The following TAB1 variants were observed in gnomAD, a reference collection of about 807,000 sequenced individuals.
TAB1 encodes the protein TGF-beta activated kinase 1 (MAP3K7) binding protein 1, also known as TGF-beta-activated kinase 1 and MAP3K7-binding protein 1.
TAB1 carries 30 observed loss-of-function variants against 54.5 expected under a neutral mutation model. The observed-to-expected ratio is 0.55, with a 90% CI of 0.41 to 0.75. TAB1 has a LOEUF of 0.75. Among genes scored for constraint, TAB1 ranks in the 30% least tolerant of loss-of-function variants. TAB1 has a pLI of 0.00. For synonymous variants in TAB1, 289 were observed against 286.9 expected, an observed-to-expected ratio of 1.01 and a Z score of -0.07; for missense variants, 609 against 683.2, an observed-to-expected ratio of 0.89 and a Z score of 1.21.
chr22:39,434,436 G>A (rs1017275539), downstream of TAB1, among the ~76,000 whole-genome samples: 1 of 152,218 alleles, frequency 6.6e-6, no homozygotes. Flanking sequence ...TGAAATTTCC[G>A]CCGACAAGGG....
In TAB1 at chr22:39,415,170, G is replaced by T; in HGVS notation, c.170+28G>T. ...GTGTGTGCCAGCATTTCTGTGTTGG[G>T]CCCGGGGAGTTGGTTGGTTTGCAAG... On this transcript the variant is annotated intron_variant, in intron 2 of 10. Coordinates refer to ENST00000216160, the MANE Select transcript of TAB1 (RefSeq NM_006116.3). This position sits in a 1 kb window ranked among gnomAD's most constrained non-coding sequence, Gnocchi z 4.9. 1 of 1,546,316 alleles carries T rather than the reference G, an allele frequency of 6.5e-7. No homozygotes were observed. Among genetic ancestry groups the T allele is most frequent in the Non-Finnish European group, 8.7e-7 (1 of 1,143,492 alleles).
intron 9 of TAB1, 67 bp downstream of exon 9, chr22:39,426,992 C>T (rs1927377947): frequency 2.7e-6 from 4 of 1,502,126 alleles, no homozygotes; most frequent in Non-Finnish European, 2.7e-6. Context: ...GGGTGCAGAG[C>T]CCCCGAGGCT....
rs760365693 is a variant in TAB1, at chr22:39,426,779, G to A, written c.998G>A (p.Arg333Gln). The part of the protein sequence containing the change: ...LDAVAQAVVD[R>Q]VKRIHSDTFA... ...GCAGTGGCCCAGGCCGTCGTGGACC[G>A]GGTGAAGCGCATCCACAGCGACACC... is the stretch of plus-strand genomic sequence containing the variant. The change falls in exon 9 of 11, where the codon CGG becomes CAG. Residue 333 changes from arginine to glutamine, a missense_variant. Arg to Gln is a conservative substitution (Grantham distance 43). Coordinates refer to ENST00000216160, the MANE Select transcript of TAB1 (RefSeq NM_006116.3). 1.9e-5 allele frequency: 31 copies of A among 1,614,084 alleles called. No individual in the cohort carries two copies. In the East Asian group the frequency reaches 5.1e-4, roughly 27 times the overall value.
intron 1 of TAB1, chr22:39,414,786 C>G: frequency 1.9e-6 from 1 of 534,876 alleles, no homozygotes; most frequent in Non-Finnish European, 3.3e-6. Flanking sequence ...ATGGTGGAGT[C>G]TCAGTTTTCC....
rs147545486 is a variant in TAB1 at position 39,399,819 on chromosome 22, G to A, written c.17G>A (p.Arg6Lys). 89 of 1,597,606 alleles carry A rather than the reference G, an allele frequency of 5.6e-5. No individual in the cohort carries two copies. The African/African-American group carries it at 9.3e-4, about 17-fold the overall frequency. The change falls in exon 1 of 11, where the codon AGG (arginine) becomes AAG (lysine). Residue 6 changes from arginine (R) to lysine (K), a missense_variant. Physicochemically the swap from Arg to Lys is conservative, Grantham distance 26. Transcript: ENST00000216160. MAAQR[R>K]SLLQSEQQPS... ...TCCTCCAAGATGGCGGCGCAGAGGA[G>A]GAGCTTGCTGCAGAGTGTGAGGAAC...
rs1310221066 is a variant in TAB1, at chr22:39,431,436, C to T, written c.*1214C>T. On this transcript the variant is annotated 3_prime_UTR_variant, in exon 11 of 11. Coordinates refer to ENST00000216160, the MANE Select transcript of TAB1 (RefSeq NM_006116.3). ...GCCATTTTGTCAGTATCCAGGACCC[C>T]CCGGATTCTCCACGCCCTCCCCATC... 2 of 985,648 alleles carry T rather than the reference C, an allele frequency of 2.0e-6. No individual in the cohort carries two copies. The highest frequency in any genetic ancestry group is 4.7e-5 in the South Asian group (1 of 21,296). The allele number at this position is 985,648 out of a possible 1,614,324, so 61.1% of individuals were successfully genotyped here.
Position 39,430,545 on chromosome 22 carries a change from C to A in TAB1, c.*323C>A. 1 of 1,239,468 alleles carries A rather than the reference C, an allele frequency of 8.1e-7. No homozygotes were observed. Among genetic ancestry groups the A allele is most frequent in the Non-Finnish European group, 1.0e-6 (1 of 976,670 alleles). 76.8% of individuals were successfully genotyped at this position (1,239,468 alleles called of 1,614,324 possible). On this transcript the variant is annotated 3_prime_UTR_variant, in exon 11 of 11. Coordinates refer to ENST00000216160, the MANE Select transcript of TAB1 (RefSeq NM_006116.3). Reference sequence around the variant, plus strand: ...CCGCCCGAGCCTCCCCAGCAGCCTCCTACAGAGCAGGAAGAGGCGCCCTGT... The same window carrying A: ...CCGCCCGAGCCTCCCCAGCAGCCTCATACAGAGCAGGAAGAGGCGCCCTGT...
At position 39,421,851 on chromosome 22, in the gene TAB1, C is replaced by T. The variant is rs145765457; in HGVS notation, c.801C>T (p.Ile267=). Residue 267 remains isoleucine, a synonymous_variant, in exon 8 of 11, where the codon ATC becomes ATT. Coordinates refer to ENST00000216160, the MANE Select transcript of TAB1 (RefSeq NM_006116.3). ...LLSAAKSKPI[I]AEPEIHGAQP... is the part of the protein sequence containing the mutation. ...GCGCTGCCAAGTCCAAACCAATCAT[C>T]GCAGAGCCAGAAATCCATGGGGCAC... 41 of 1,614,012 alleles carry T rather than the reference C, an allele frequency of 2.5e-5. No homozygotes were observed. In the African/African-American group the frequency reaches 2.8e-4, roughly 11 times the overall value.
At chr22:39,401,360 C>T (rs1453107535) in intron 1 of TAB1, among the ~76,000 whole-genome samples, 1 of 152,322 alleles carries the variant, frequency 6.6e-6, no homozygotes, top group African/African-American at 2.4e-5. Flanking sequence ...CTGCTGGGCA[C>T]GTCTGTCTTG....
downstream of TAB1, chr22:39,437,077 GA>G (rs1170519963): frequency 6.5e-6 from 1 of 153,024 alleles, no homozygotes; most frequent in Non-Finnish European, 1.5e-5. Flanking sequence ...TATACTTTAT[GA>G]CTATTGGTAG....
intron 8 of TAB1, among the ~76,000 whole-genome samples, chr22:39,422,363 C>T (rs1927128409): frequency 6.6e-6 from 1 of 151,712 alleles, no homozygotes; most frequent in East Asian, 1.9e-4. Flanking sequence ...TACTGCCCTC[C>T]CTGAGTGGCA....
chr22:39,400,294 T>C (rs2047158266), intron 1 of TAB1, among the ~76,000 whole-genome samples: 1 of 152,220 alleles, frequency 6.6e-6, no homozygotes, highest in African/African-American at 2.4e-5. Flanking sequence ...CTGTTATTCC[T>C]ATTTGACAGA....
At chr22:39,412,212 G>A (rs1926637029) in intron 1 of TAB1, among the ~76,000 whole-genome samples, 1 of 152,086 alleles carries the variant, frequency 6.6e-6, no homozygotes. Context: ...GCTGATTTTT[G>A]TATTTTCAGT....
At position 39,425,551 on chromosome 22, in the gene TAB1, T is replaced by C. The variant is rs958185967; in HGVS notation, c.922-1152T>C. Among the ~76,000 whole-genome samples, 19 of 152,118 alleles carry C rather than the reference T, an allele frequency of 1.2e-4. No homozygotes were observed. In the East Asian group the frequency reaches 3.5e-3, roughly 28 times the overall value. On this transcript the variant is annotated intron_variant, in intron 8 of 10. Transcript: ENST00000216160. ...AGTAGATTAGGTGCATTAAATGCTT[T>C]TTCTTTTCTTTTTTTTTTTTTGAGA...
intron 1 of TAB1, among the ~76,000 whole-genome samples, chr22:39,400,323 C>T (rs1926080568): frequency 6.6e-6 from 1 of 152,172 alleles, no homozygotes; most frequent in African/African-American, 2.4e-5. Context: ...CTGAGGTGGT[C>T]GTTTGCCTAA....
rs760326813 is a variant in TAB1 at position 39,426,700 on chromosome 22, C to T, written c.922-3C>T. 2 of 1,595,640 alleles carry T rather than the reference C, an allele frequency of 1.3e-6. No individual in the cohort carries two copies. The highest frequency in any genetic ancestry group is 2.3e-5 in the East Asian group (1 of 44,406). On this transcript the variant is annotated splice_region_variant and splice_polypyrimidine_tract_variant and intron_variant, in intron 8 of 10. Transcript: ENST00000216160. ...ACCAGGTTCTTCCTACCCCCTCCCC[C>T]AGGAGATTGCTGCGATGATTGACAC...
At chr22:39,409,869 CCT>C (rs1230100114) in intron 1 of TAB1, among the ~76,000 whole-genome samples, 5 of 152,128 alleles carry the variant, frequency 3.3e-5, no homozygotes, top group Non-Finnish European at 7.3e-5. Context: ...AAATAAGGAG[CCT>C]CTCTGTTTTC....
intron 5 of TAB1, 27 bp from the exon 6 acceptor site, chr22:39,418,705 T>C (rs1169042005): frequency 2.6e-6 from 4 of 1,528,748 alleles, no homozygotes; most frequent in Non-Finnish European, 3.6e-6. Context: ...GTGTAGTCTT[T>C]GCTTAGCTGT....
chr22:39,417,431 T>C (rs536500166), intron 4 of TAB1, among the ~76,000 whole-genome samples: 11 of 152,088 alleles, frequency 7.2e-5, no homozygotes, highest in East Asian at 1.9e-4. Flanking sequence ...CCATCCTGGC[T>C]AACATGGTGA....
Sources: allele counts gnomAD v4.1 joint callset (sites outside exome capture counted in the v4.1 genomes callset), GRCh38; gene constraint gnomAD v4.1.1; non-coding constraint Gnocchi (gnomAD v3.1); transcripts MANE v1.5; gene names NCBI Gene and HGNC (gene_info 2026-07-23, HGNC 2026-07-21).